PPM1L: variants seen among roughly 807,000 people sequenced by gnomAD.
PPM1L encodes the protein protein phosphatase 1L.
In PPM1L, 13 loss-of-function variants were observed where a neutral mutation model predicts 31.4. That is an observed-to-expected ratio of 0.41 (90% CI 0.27 to 0.66). The LOEUF is 0.66. Among genes scored for constraint, PPM1L ranks in the 30% least tolerant of loss-of-function variants. The pLI is 0.29. For missense variants in PPM1L, 326 were observed against 453.7 expected, an observed-to-expected ratio of 0.72 and a Z score of 2.56; for synonymous variants, 184 against 175.4, an observed-to-expected ratio of 1.05 and a Z score of -0.39.
chr3:160,953,358 A>G (rs1715634416), intron 1 of PPM1L, among the ~76,000 whole-genome samples: 1 of 152,220 alleles, frequency 6.6e-6, no homozygotes, highest in African/African-American at 2.4e-5. Context: ...AAGTGAAGGA[A>G]CAAAAATGAA....
chr3:160,849,391 TTC>T (rs1032322066), intron 1 of PPM1L, among the ~76,000 whole-genome samples: 8 of 151,084 alleles, frequency 5.3e-5, no homozygotes, highest in Admixed American at 3.9e-4. Context: ...GAGACCTGCA[TTC>T]TCTTTCTTTC....
chr3:160,824,120 C>T (rs1355617453), intron 1 of PPM1L, among the ~76,000 whole-genome samples: 1 of 152,050 alleles, frequency 6.6e-6, no homozygotes, highest in Non-Finnish European at 1.5e-5. Context: ...GAGGCGGGAC[C>T]CTTGGGACAA....
intron 2 of PPM1L, among the ~76,000 whole-genome samples, chr3:160,972,486 A>G (rs1387306198): frequency 2.0e-5 from 3 of 151,636 alleles, no homozygotes; most frequent in Admixed American, 6.6e-5. Context: ...TGCTGAGAAT[A>G]ATGGTTTCCA....
chr3:160,924,085 A>G lies in PPM1L; in HGVS notation c.400-37651A>G, dbSNP rs774128179. Among the ~76,000 whole-genome samples the G allele has an allele frequency of 6.0e-4, 91 of 152,194 alleles. 1 individual carries two copies. Among genetic ancestry groups the G allele is most frequent in the Non-Finnish European group, 2.2e-4 (15 of 68,046 alleles). ...AAAGTCTGTTTTCATTAGAAATTAT[A>G]TTCACTTGTTTCTGTTTGTTTTAGA... On this transcript the variant is annotated intron_variant, in intron 1 of 3. Transcript: ENST00000498165.
chr3:161,003,073 C>T (rs1352423985), intron 2 of PPM1L, among the ~76,000 whole-genome samples: 1 of 150,628 alleles, frequency 6.6e-6, no homozygotes, highest in African/African-American at 2.4e-5. Context: ...CCAGTTTTCC[C>T]AGCACCATTT....
chr3:160,828,420 G>A (rs1375135487), intron 1 of PPM1L, among the ~76,000 whole-genome samples: 2 of 152,136 alleles, frequency 1.3e-5, no homozygotes, highest in African/African-American at 4.8e-5. Context: ...CATTCAACAA[G>A]TCCATATTGA....
chr3:160,999,627 G>C (rs1197710548), intron 2 of PPM1L, among the ~76,000 whole-genome samples: 1 of 152,188 alleles, frequency 6.6e-6, no homozygotes, highest in Non-Finnish European at 1.5e-5. Flanking sequence ...CCACTTTAAT[G>C]CTCCTACTCT....
intron 2 of PPM1L, among the ~76,000 whole-genome samples, chr3:161,038,403 C>A (rs34651675): frequency 2.0e-5 from 3 of 151,670 alleles, no homozygotes; most frequent in Non-Finnish European, 2.9e-5. Context: ...CCTCAAACTT[C>A]TGGACTCAAC....
intron 1 of PPM1L, among the ~76,000 whole-genome samples, chr3:160,801,553 C>T (rs1366066007): frequency 6.6e-6 from 1 of 152,154 alleles, no homozygotes; most frequent in Non-Finnish European, 1.5e-5. Flanking sequence ...TATGTTTGTT[C>T]CCATGTGCCA....
At chr3:160,786,155 C>CTG (rs796240930) in intron 1 of PPM1L, among the ~76,000 whole-genome samples, 6 of 83,216 alleles carry the variant, frequency 7.2e-5, no homozygotes, top group African/African-American at 8.6e-5. Context: ...CTCTCTCTCT[C>CTG]TCTGTGTGTG....
At chr3:160,774,332 C>CA (rs1178065487) in intron 1 of PPM1L, among the ~76,000 whole-genome samples, 2 of 152,068 alleles carry the variant, frequency 1.3e-5, no homozygotes, top group South Asian at 2.1e-4. Context: ...ATGGTACTGC[C>CA]ACCATGCTAA....
intron 1 of PPM1L, among the ~76,000 whole-genome samples, chr3:160,887,819 A>G (rs1230053822): frequency 6.6e-6 from 1 of 151,926 alleles, no homozygotes; most frequent in Non-Finnish European, 1.5e-5. Flanking sequence ...TCCTGACCTC[A>G]TGATCTGCCC....
intron 1 of PPM1L, among the ~76,000 whole-genome samples, chr3:160,834,471 A>ATGTGTGTGTGTGTG (rs150328470): frequency 1.2e-4 from 17 of 138,962 alleles, no homozygotes; most frequent in Admixed American, 6.4e-4. Context: ...GTGTATGTGT[A>ATGTGTGTGTGTGTG]TGTGTGTGTG....
chr3:160,757,684 A>C (rs535173121), intron 1 of PPM1L, among the ~76,000 whole-genome samples: 1 of 152,290 alleles, frequency 6.6e-6, no homozygotes, highest in East Asian at 1.9e-4. Flanking sequence ...CCATCTCTCA[A>C]ATTGGCGGTT....
intron 1 of PPM1L, among the ~76,000 whole-genome samples, chr3:160,786,155 CTCTGTGTGTGTGTG>C (rs1363051686): frequency 4.8e-5 from 4 of 83,230 alleles, no homozygotes; most frequent in African/African-American, 2.6e-4. Flanking sequence ...CTCTCTCTCT[CTCTGTGTGTGTGTG>C]TGTGTGTGTG....
At chr3:160,922,461 C>T (rs1480212232) in intron 1 of PPM1L, among the ~76,000 whole-genome samples, 2 of 152,150 alleles carry the variant, frequency 1.3e-5, no homozygotes, top group Non-Finnish European at 2.9e-5. Flanking sequence ...ATTATTTACA[C>T]ATTACTAAGT....
rs1718270899 is a variant in PPM1L, at chr3:161,022,721, T to G, written c.575-42682T>G. ...CTCTGTCACCCAGGCTGGAGTGCAG[T>G]GGCACAATCTTCGCTCACTGCAAGC... is the stretch of plus-strand genomic sequence containing the variant. On this transcript the variant is annotated intron_variant, in intron 2 of 3. Coordinates refer to ENST00000498165, the MANE Select transcript of PPM1L (RefSeq NM_139245.4). Among the ~76,000 whole-genome samples the G allele has an allele frequency of 2.1e-5, 3 of 142,496 alleles. No homozygotes were observed. In the South Asian group the frequency reaches 6.7e-4, roughly 32 times the overall value. The allele number at this position is 142,496 out of a possible 152,430, so 93.5% of individuals were successfully genotyped here.
intron 3 of PPM1L, among the ~76,000 whole-genome samples, chr3:161,068,334 T>A (rs972778978): frequency 6.6e-5 from 10 of 152,326 alleles, no homozygotes; most frequent in Middle Eastern, 3.4e-3. Context: ...TACTAGTGTG[T>A]GCTTTTTCTT....
At chr3:161,010,586 G>C (rs1278188328) in intron 2 of PPM1L, among the ~76,000 whole-genome samples, 1 of 152,188 alleles carries the variant, frequency 6.6e-6, no homozygotes, top group East Asian at 1.9e-4. Flanking sequence ...CTAGATCCTT[G>C]AGGAATTGCC....
Sources: allele counts gnomAD v4.1 joint callset (sites outside exome capture counted in the v4.1 genomes callset), GRCh38; gene constraint gnomAD v4.1.1; transcripts MANE v1.5; gene names NCBI Gene and HGNC (gene_info 2026-07-23, HGNC 2026-07-21).